ZNF831: variants seen among roughly 807,000 people sequenced by gnomAD.
The protein encoded by ZNF831 is zinc finger protein 831, also known as chromosome 20 open reading frame 174.
ZNF831 carries 59 observed loss-of-function variants against 95.8 expected under a neutral mutation model. The ratio of observed to expected loss-of-function variants is 0.62; its 90% CI spans 0.50 to 0.77. The LOEUF (loss-of-function observed/expected upper bound fraction) is 0.77. Among genes scored for constraint, ZNF831 ranks in the 30% least tolerant of loss-of-function variants. The pLI is 0.00. For synonymous variants in ZNF831, 961 were observed against 925.5 expected (o/e 1.04, Z -0.70); for missense variants, 2,205 against 2,164.0 (o/e 1.02, Z -0.38).
chr20:59,135,409 G>T (rs1979470387), intron 1 of ZNF831, among the ~76,000 whole-genome samples: 1 of 151,778 alleles, frequency 6.6e-6, no homozygotes, highest in Admixed American at 6.6e-5. Flanking sequence ...AACATAGTAA[G>T]CCTCCATCTC....
rs952224831 is a variant in ZNF831, at chr20:59,169,355, C to T, written c.-37+5148C>T. 3.9e-5 allele frequency among the ~76,000 whole-genome samples: 6 copies of T among 152,166 alleles called. No homozygotes were observed. Among genetic ancestry groups the T allele is most frequent in the South Asian group, 4.1e-4 (2 of 4,832 alleles). ...TGTGAGCTGAGTTATTTACGGTATT[C>T]CCTTAAGGTCATTTTAATGTCTGCA... On this transcript the variant is annotated intron_variant, in intron 1 of 5. Coordinates refer to ENST00000371030, the MANE Select transcript of ZNF831 (RefSeq NM_178457.3). The surrounding 1 kb of genome is among the most constrained non-coding windows in gnomAD (Gnocchi z 4.1).
rs2146579065 is a variant in ZNF831, at chr20:59,193,213, C to T, written c.2194C>T (p.Pro732Ser). ...RPRVEEAVSS[P>S]ALGGRDSPCS... ...CAGGGTGGAAGAGGCTGTGTCATCC[C>T]CTGCACTGGGTGGCAGAGACAGTCC... Residue 732 changes from proline to serine, a missense_variant, in exon 2 of 6, where the codon CCT (proline) becomes TCT (serine). Coordinates refer to ENST00000371030, the MANE Select transcript of ZNF831 (RefSeq NM_178457.3). The T allele has an allele frequency of 6.3e-7, 1 of 1,588,524 alleles. No homozygotes were observed. The highest frequency in any genetic ancestry group is 1.1e-5 in the South Asian group (1 of 87,684).
At chr20:59,130,708 C>T (rs1274981443) in intron 1 of ZNF831, among the ~76,000 whole-genome samples, 3 of 152,078 alleles carry the variant, frequency 2.0e-5, no homozygotes, top group African/African-American at 7.2e-5. Flanking sequence ...TGAAAAATGC[C>T]CCAAACTCAC....
rs1455902719 is a variant in ZNF831, at chr20:59,164,189, C to A, written c.-55C>A. On this transcript the variant is annotated 5_prime_UTR_variant, in exon 1 of 6. Transcript: ENST00000371030. ...GAATCAGAGCATCATTGGCTGAAAA[C>A]ACTCCACTGTTTATAAAGGTATGTA... 1.3e-5 allele frequency among the ~76,000 whole-genome samples: 2 copies of A among 152,094 alleles called. No individual in the cohort carries two copies. The highest frequency in any genetic ancestry group is 4.8e-5 in the African/African-American group (2 of 41,404).
chr20:59,252,244 A>C (rs759644839), intron 4 of ZNF831, among the ~76,000 whole-genome samples: 1 of 152,208 alleles, frequency 6.6e-6, no homozygotes, highest in Non-Finnish European at 1.5e-5. Flanking sequence ...TGTACCTTTC[A>C]TCAAAATAAA....
rs540138850 is a variant in ZNF831, at chr20:59,152,799, T to A, written c.-1281+6425T>A. On this transcript the variant is annotated intron_variant, in intron 2 of 7. Coordinates refer to the ZNF831 transcript ENST00000637017. ...CATCCAAGGAGCCAAAAGGCCAGTA[T>A]GTGGCTGTGCTGCAGGCAACCAGAA... Among the ~76,000 whole-genome samples, 8 of 152,186 alleles carry A rather than the reference T, an allele frequency of 5.3e-5. No individual in the cohort carries two copies. In the South Asian group the frequency reaches 1.5e-3, roughly 28 times the overall value.
In ZNF831 at chr20:59,254,255, C is replaced by G. The variant is rs751946033; in HGVS notation, c.4546C>G (p.His1516Asp). The G allele has an allele frequency of 6.2e-7, 1 of 1,613,978 alleles. No homozygotes were observed. The highest frequency in any genetic ancestry group is 1.7e-5 in the Admixed American group (1 of 60,012). The change falls in exon 6 of 6, where the codon CAC (histidine) becomes GAC (aspartate). Residue 1516 changes from histidine (H) to aspartate (D), a missense_variant. Physicochemically the swap from His to Asp is moderately conservative, Grantham distance 81. Coordinates refer to ENST00000371030, the MANE Select transcript of ZNF831 (RefSeq NM_178457.3). The surrounding 1 kb of genome is among the most constrained non-coding windows in gnomAD (Gnocchi z 4.5). ...QEIHSAESRD[H>D]SQTAGRTLTS... ...AATTCACAGTGCTGAATCACGAGACCACAGCCAGACTGCAGGGAGGACTCT... is the reference window on the plus strand; with the variant it reads ...AATTCACAGTGCTGAATCACGAGACGACAGCCAGACTGCAGGGAGGACTCT...
intron 2 of ZNF831, 46 bp downstream of exon 2, chr20:59,194,803 T>C (rs1417693132): frequency 2.0e-6 from 3 of 1,508,876 alleles, no homozygotes; most frequent in Non-Finnish European, 1.8e-6. Flanking sequence ...GAGAGCATGT[T>C]GTTATCCCGT....
At chr20:59,174,986 G>T (rs768727075) in intron 1 of ZNF831, among the ~76,000 whole-genome samples, 5 of 152,048 alleles carry the variant, frequency 3.3e-5, no homozygotes, top group Non-Finnish European at 5.9e-5. Flanking sequence ...ATTCCAGGAG[G>T]ATATTTTCAC....
chr20:59,185,243 G>A (rs949691989), intron 1 of ZNF831, among the ~76,000 whole-genome samples: 3 of 152,150 alleles, frequency 2.0e-5, no homozygotes, highest in Non-Finnish European at 4.4e-5. Context: ...CATCTCCCTC[G>A]AGGAAGGTGT....
chr20:59,253,526 AC>A lies in ZNF831; in HGVS notation c.4189-370del, dbSNP rs1170124395. On this transcript the variant is annotated intron_variant, in intron 5 of 5. Coordinates refer to ENST00000371030, the MANE Select transcript of ZNF831 (RefSeq NM_178457.3). ...TTGGAAAAACACTCATCCGGAAAAA[AC>A]CAAAAAACCAAAAAACCCTTCAATA... 5.3e-5 allele frequency among the ~76,000 whole-genome samples: 8 copies of A among 152,214 alleles called. No individual in the cohort carries two copies. In the East Asian group the frequency reaches 1.5e-3, roughly 29 times the overall value.
intron 4 of ZNF831, among the ~76,000 whole-genome samples, chr20:59,215,064 C>T (rs117237736): frequency 2.3e-3 from 344 of 152,360 alleles, no homozygotes; most frequent in Non-Finnish European, 3.2e-3. Context: ...TTGAAAACCT[C>T]TGTGCTAAAA....
chr20:59,179,798 G>A (rs1214303033), intron 1 of ZNF831, among the ~76,000 whole-genome samples: 1 of 152,158 alleles, frequency 6.6e-6, no homozygotes, highest in African/African-American at 2.4e-5. Flanking sequence ...TATCTGCAAA[G>A]ACCCTATTTC....
At chr20:59,137,533 C>T (rs898796295) in intron 1 of ZNF831, among the ~76,000 whole-genome samples, 2 of 152,222 alleles carry the variant, frequency 1.3e-5, no homozygotes, top group Non-Finnish European at 2.9e-5. Flanking sequence ...CATCAGCTCT[C>T]TGCCCCTGGA....
intron 1 of ZNF831, among the ~76,000 whole-genome samples, chr20:59,137,896 C>T (rs1979561440): frequency 1.3e-5 from 2 of 152,226 alleles, no homozygotes; most frequent in African/African-American, 4.8e-5. Flanking sequence ...ACTGTGGCCC[C>T]TTCCTCACTT....
At chr20:59,204,578 C>A (rs564543345) in intron 3 of ZNF831, among the ~76,000 whole-genome samples, 1 of 152,212 alleles carries the variant, frequency 6.6e-6, no homozygotes, top group African/African-American at 2.4e-5. Context: ...GGAAATAGCA[C>A]GTCAGATCTC....
intron 3 of ZNF831, among the ~76,000 whole-genome samples, chr20:59,200,893 A>G (rs1207168652): frequency 6.6e-6 from 1 of 152,064 alleles, no homozygotes; most frequent in African/African-American, 2.4e-5. Flanking sequence ...GTTGATAGAC[A>G]TTTGGTTTGT....
intron 4 of ZNF831, among the ~76,000 whole-genome samples, chr20:59,219,509 C>T (rs1157088717): frequency 6.6e-6 from 1 of 152,122 alleles, no homozygotes; most frequent in Non-Finnish European, 1.5e-5. Context: ...ATGAGGGATC[C>T]TGACAAGGCC....
intron 4 of ZNF831, among the ~76,000 whole-genome samples, chr20:59,219,369 G>A (rs1206352109): frequency 6.6e-6 from 1 of 152,200 alleles, no homozygotes; most frequent in African/African-American, 2.4e-5. Context: ...AGGAAGAGAG[G>A]CAAACAAGAA....
Sources: allele counts gnomAD v4.1 joint callset (sites outside exome capture counted in the v4.1 genomes callset), GRCh38; gene constraint gnomAD v4.1.1; non-coding constraint Gnocchi (gnomAD v3.1); transcripts MANE v1.5; gene names NCBI Gene and HGNC (gene_info 2026-07-23, HGNC 2026-07-21).